Variants in CHRNB4 observed in about 807,000 individuals in gnomAD.
CHRNB4 encodes neuronal acetylcholine receptor subunit beta-4.
In CHRNB4, 23 loss-of-function variants were observed where a neutral mutation model predicts 40.4. The observed-to-expected ratio is 0.57, with a 90% CI of 0.41 to 0.81. CHRNB4 has a LOEUF of 0.81. Ranked by LOEUF, CHRNB4 falls within the 30% of genes least tolerant of loss-of-function variation. The probability of loss-of-function intolerance (pLI) is 0.00; values close to 1 mark genes in which losing one functional copy is unlikely to be tolerated. For missense variants in CHRNB4, 568 were observed against 670.6 expected (o/e 0.85, Z 1.69); for synonymous variants, 285 against 274.4 (o/e 1.04, Z -0.38).
upstream of CHRNB4, among the ~76,000 whole-genome samples, chr15:78,642,908 C>T (rs1364504861): frequency 2.6e-5 from 4 of 152,126 alleles, no homozygotes; most frequent in Non-Finnish European, 2.9e-5. Flanking sequence ...GCCAGGCATC[C>T]GGATTTGTAT....
At chr15:78,634,265 T>G (rs2053897671) in intron 2 of CHRNB4, among the ~76,000 whole-genome samples, 2 of 152,020 alleles carry the variant, frequency 1.3e-5, no homozygotes, top group Admixed American at 1.3e-4. Context: ...GTAGCCTGAG[T>G]CTGGAAGTGC....
Position 78,625,243 on chromosome 15 carries a change from G to A in CHRNB4, c.1387C>T (p.Leu463=). Residue 463 remains leucine, a synonymous_variant, in exon 6 of 6, where the codon CTG becomes TTG. Transcript: ENST00000261751. The stretch of plus-strand genomic sequence containing the variant: ...ACGCACACAAACATGAACACCCACA[G>A]GAACAGCCGGTCCACCACCATAGCC... The part of the protein sequence containing the change: ...YVAMVVDRLF[L]WVFMFVCVLG... 6.4e-7 allele frequency: 1 copy of A among 1,572,172 alleles called. No homozygotes were observed.
intron 1 of CHRNB4, chr15:78,660,415 C>T (rs992175867): frequency 1.1e-4 from 17 of 152,294 alleles, no homozygotes; most frequent in African/African-American, 4.1e-4. Context: ...CTGGGCTAAG[C>T]CCCGATTCTG....
At chr15:78,661,586 T>C (rs2054253939), upstream of CHRNB4, 2 of 519,524 alleles carry the variant, frequency 3.8e-6, no homozygotes, top group African/African-American at 1.9e-5. Context: ...TTGGTCCTTG[T>C]TGGGGCGGAT....
upstream of CHRNB4, among the ~76,000 whole-genome samples, chr15:78,643,163 T>TAC (rs891344974): frequency 4.6e-5 from 7 of 152,162 alleles, no homozygotes; most frequent in Non-Finnish European, 8.8e-5. Context: ...TACAGCAATG[T>TAC]ACACACACAC....
rs560329226 is a variant in CHRNB4, at chr15:78,631,951, C to T, written c.205-619G>A. 9.2e-5 allele frequency among the ~76,000 whole-genome samples: 14 copies of T among 152,250 alleles called. 1 individual carries two copies. In the East Asian group the frequency reaches 1.7e-3, roughly 19 times the overall value. ...TCTATGACCTCTTATCTCAACACTCCGCCATTTGCTCATTCCACTTCCCCT... is the reference window on the plus strand; with the variant it reads ...TCTATGACCTCTTATCTCAACACTCTGCCATTTGCTCATTCCACTTCCCCT... On this transcript the variant is annotated intron_variant, in intron 2 of 5. Transcript: ENST00000261751.
chr15:78,629,238 G>A lies in CHRNB4; in HGVS notation c.1067C>T (p.Pro356Leu), dbSNP rs201013113. 31 of 1,613,410 alleles carry A rather than the reference G, an allele frequency of 1.9e-5. No homozygotes were observed. Among genetic ancestry groups the A allele is most frequent in the Middle Eastern group, 1.7e-4 (1 of 6,058 alleles). ...CTTGCTGGGCGGGAAGGCTCTGGCC[G>A]GGCTGCTGTCGGGGCCAGGGCGCTT... ...FMKRPGPDSS[P>L]ARAFPPSKSC... is the part of the protein sequence containing the mutation. The change falls in exon 5 of 6, where the codon CCG (proline) becomes CTG (leucine). Residue 356 changes from proline to leucine, a missense_variant. Physicochemically the swap from Pro to Leu is moderately conservative, Grantham distance 98. Around this residue, in one of 4 missense-constraint regions of CHRNB4, gnomAD observed 242 missense variants for 274.9 expected, o/e 0.88. Coordinates refer to ENST00000261751, the MANE Select transcript of CHRNB4 (RefSeq NM_000750.5). The surrounding 1 kb of genome is among the most constrained non-coding windows in gnomAD (Gnocchi z 6.8).
chr15:78,629,761 C>T lies in CHRNB4; in HGVS notation c.544G>A (p.Asp182Asn). 1 of 1,614,074 alleles carries T rather than the reference C, an allele frequency of 6.2e-7. No homozygotes were observed. The highest frequency in any genetic ancestry group is 8.5e-7 in the Non-Finnish European group (1 of 1,179,978). ...RSWTYDHTEI[D>N]MVLMTPTASM... ...GCTGTGGGCGTCATGAGGACCATGT[C>T]TATCTCCGTGTGGTCATAGGTCCAG... The change falls in exon 5 of 6, where the codon GAC becomes AAC. Residue 182 changes from aspartate (D) to asparagine (N), a missense_variant. Physicochemically the swap from Asp to Asn is conservative, Grantham distance 23. This residue lies in a region of CHRNB4 where 127 missense variants were observed against 167.4 expected (regional missense o/e 0.76). Coordinates refer to ENST00000261751, the MANE Select transcript of CHRNB4 (RefSeq NM_000750.5). This position sits in a 1 kb window ranked among gnomAD's most constrained non-coding sequence, Gnocchi z 6.8.
At chr15:78,650,348 A>G (rs2054162145) in intron 6 of CHRNB4, among the ~76,000 whole-genome samples, 1 of 152,152 alleles carries the variant, frequency 6.6e-6, no homozygotes, top group African/African-American at 2.4e-5. Context: ...CAACTTCCCC[A>G]TCTGTGGAGT....
At chr15:78,647,857 A>G (rs1192120963) in intron 7 of CHRNB4, among the ~76,000 whole-genome samples, 2 of 89,256 alleles carry the variant, frequency 2.2e-5, no homozygotes, top group East Asian at 3.2e-4. Context: ...GAGAGACTCC[A>G]TCTCAAAAAA....
chr15:78,661,221 G>A (rs1348189279), upstream of CHRNB4: 8 of 609,962 alleles, frequency 1.3e-5, no homozygotes, highest in Non-Finnish European at 2.6e-5. Flanking sequence ...CCTTGGGGGA[G>A]TCCAGGGCCA....
intron 6 of CHRNB4, among the ~76,000 whole-genome samples, chr15:78,650,007 GT>G (rs35068589): frequency 6.6e-6 from 1 of 151,550 alleles, no homozygotes; most frequent in African/African-American, 2.4e-5. Flanking sequence ...TATCAATTTT[GT>G]TTTTTTTAAA....
At chr15:78,630,593 G>C (rs1478958846) in intron 4 of CHRNB4, among the ~76,000 whole-genome samples, 5 of 152,196 alleles carry the variant, frequency 3.3e-5, no homozygotes, top group African/African-American at 1.2e-4. Flanking sequence ...CTTGTAAGCA[G>C]GACAGCTGAG....
At chr15:78,652,386 T>A (rs1427120393) in intron 6 of CHRNB4, among the ~76,000 whole-genome samples, 2 of 152,216 alleles carry the variant, frequency 1.3e-5, no homozygotes, top group Non-Finnish European at 2.9e-5. Flanking sequence ...GCCAGTAGCA[T>A]TGGTGGCTCT....
intron 5 of CHRNB4, among the ~76,000 whole-genome samples, chr15:78,654,190 T>C (rs974929572): frequency 1.3e-5 from 2 of 152,184 alleles, no homozygotes; most frequent in African/African-American, 4.8e-5. Context: ...TAATGCTCTG[T>C]ACCAGGGTTT....
chr15:78,639,426 G>C (rs1236940466), intron 1 of CHRNB4, among the ~76,000 whole-genome samples: 1 of 152,122 alleles, frequency 6.6e-6, no homozygotes, highest in Non-Finnish European at 1.5e-5. Context: ...AGCCTCCCGA[G>C]TAGCTGGGAC....
In CHRNB4 at chr15:78,629,054, A is replaced by G; in HGVS notation, c.1251T>C (p.Ser417=). The change falls in exon 5 of 6, where the codon TCT becomes TCC. Residue 417 remains serine (S), a synonymous_variant. Transcript: ENST00000261751. The surrounding 1 kb of genome is among the most constrained non-coding windows in gnomAD (Gnocchi z 6.8). ...AIPRDFWLRS[S]GRFRQDVQEA... is the part of the protein sequence containing the mutation. ...CCTGCACATCCTGTCGGAACCTCCC[A>G]GAGGACCGCAGCCAGAAATCCCTGG... The G allele has an allele frequency of 3.7e-6, 6 of 1,614,212 alleles. No homozygotes were observed. The highest frequency in any genetic ancestry group is 5.1e-6 in the Non-Finnish European group (6 of 1,180,044).
At chr15:78,651,318 T>C (rs1198662755) in intron 6 of CHRNB4, among the ~76,000 whole-genome samples, 1 of 152,206 alleles carries the variant, frequency 6.6e-6, no homozygotes, top group Non-Finnish European at 1.5e-5. Flanking sequence ...AATTCACCCC[T>C]TGGTTTCAGC....
intron 7 of CHRNB4, among the ~76,000 whole-genome samples, chr15:78,647,066 G>A (rs1179562169): frequency 4.6e-5 from 7 of 152,180 alleles, no homozygotes; most frequent in Admixed American, 1.3e-4. Flanking sequence ...CTGGAGCCCA[G>A]GAGTTTGAGG....
Sources: gnomAD v4.1 joint callset for allele counts (sites outside exome capture counted in the v4.1 genomes callset) on GRCh38, gnomAD v4.1.1 for gene constraint, gnomAD v4.1.1 regional missense constraint, Gnocchi (gnomAD v3.1) non-coding constraint, MANE v1.5 for transcripts, NCBI Gene and HGNC (gene_info 2026-07-23, HGNC 2026-07-21) for gene names.